Variants in AUTS2 observed in about 807,000 individuals in gnomAD.
The protein encoded by AUTS2 is autism susceptibility gene 2 protein.
Under a neutral mutation model 112.4 loss-of-function variants are expected in AUTS2, and 17 were observed. The observed-to-expected ratio is 0.15, with a 90% confidence interval of 0.10 to 0.23. The LOEUF is 0.23. AUTS2 is among the 10% of genes least tolerant of loss of function. The pLI is 1.00. For synonymous variants in AUTS2, 751 were observed against 702.7 expected (o/e 1.07, Z -1.09); for missense variants, 1,510 against 1,701.6 (o/e 0.89, Z 1.98).
chr7:70,747,048 G>T (rs1231341539), intron 6 of AUTS2, among the ~76,000 whole-genome samples: 1 of 152,162 alleles, frequency 6.6e-6, no homozygotes, highest in Non-Finnish European at 1.5e-5. Context: ...GTGGAAGGGG[G>T]TGGGTGTGAT....
chr7:69,969,523 T>C (rs139561381), intron 2 of AUTS2, among the ~76,000 whole-genome samples: 53 of 152,330 alleles, frequency 3.5e-4, no homozygotes, highest in Non-Finnish European at 6.6e-4. Context: ...TGCAGAACTT[T>C]TGTTCTTTCA....
chr7:70,783,836 T>TGG (rs1791254469), intron 15 of AUTS2: 1 of 152,234 alleles, frequency 6.6e-6, no homozygotes, highest in Non-Finnish European at 1.5e-5. Flanking sequence ...GCTAGCCTCC[T>TGG]TAGCTAGTAA....
At chr7:70,187,427 G>C (rs1344403331) in intron 4 of AUTS2, among the ~76,000 whole-genome samples, 1 of 152,060 alleles carries the variant, frequency 6.6e-6, no homozygotes, top group Admixed American at 6.6e-5. Flanking sequence ...GCTGGCCTCT[G>C]GGTATTTACA....
chr7:70,343,100 CCTCT>C (rs921703373), intron 4 of AUTS2, among the ~76,000 whole-genome samples: 11 of 152,084 alleles, frequency 7.2e-5, no homozygotes, highest in South Asian at 2.1e-4. Flanking sequence ...CAACAAACTC[CCTCT>C]CTATGAAATT....
At chr7:70,670,637 C>G (rs1807586714) in intron 5 of AUTS2, among the ~76,000 whole-genome samples, 1 of 149,886 alleles carries the variant, frequency 6.7e-6, no homozygotes, top group Admixed American at 6.8e-5. Context: ...CATAGTTTAT[C>G]CTGCACAGCC....
chr7:70,348,888 C>T (rs770666800), intron 4 of AUTS2, among the ~76,000 whole-genome samples: 7 of 152,166 alleles, frequency 4.6e-5, no homozygotes, highest in African/African-American at 1.2e-4. Flanking sequence ...GCATGGTGAA[C>T]GCTTTTCTAA....
At chr7:70,576,964 A>C (rs920315084) in intron 5 of AUTS2, among the ~76,000 whole-genome samples, 4 of 149,770 alleles carry the variant, frequency 2.7e-5, no homozygotes, top group African/African-American at 1.0e-4. Context: ...GAGTAAGACA[A>C]ACCAGCAGAG....
chr7:69,671,652 G>A (rs1796335933), intron 1 of AUTS2, among the ~76,000 whole-genome samples: 1 of 151,990 alleles, frequency 6.6e-6, no homozygotes, highest in Admixed American at 6.6e-5. Context: ...AATGATGACT[G>A]ACTGGTATGG....
intron 5 of AUTS2, among the ~76,000 whole-genome samples, chr7:70,687,521 T>C (rs537960476): frequency 3.9e-5 from 6 of 152,244 alleles, no homozygotes; most frequent in Non-Finnish European, 8.8e-5. Context: ...TTGTGAAGTT[T>C]GAAAGTAAAA....
intron 1 of AUTS2, among the ~76,000 whole-genome samples, chr7:69,840,065 C>T (rs182140388): frequency 1.2e-4 from 19 of 152,184 alleles, no homozygotes; most frequent in Admixed American, 7.9e-4. Context: ...GGGTGGGCAG[C>T]GTCTTTGAAA....
chr7:70,771,249 C>G (rs1341668948), intron 10 of AUTS2: 4 of 200,236 alleles, frequency 2.0e-5, no homozygotes, highest in Non-Finnish European at 4.0e-5. Context: ...ATTAAAATCT[C>G]CAATCATTTA....
At chr7:70,241,519 T>C (rs1387325862) in intron 4 of AUTS2, among the ~76,000 whole-genome samples, 2 of 152,306 alleles carry the variant, frequency 1.3e-5, no homozygotes, top group East Asian at 3.9e-4. Flanking sequence ...TAAATAAAAG[T>C]CTTTTTAGCT....
chr7:69,821,135 A>G (rs1790970910), intron 1 of AUTS2, among the ~76,000 whole-genome samples: 1 of 152,220 alleles, frequency 6.6e-6, no homozygotes, highest in Admixed American at 6.5e-5. Flanking sequence ...CCCAGTATGT[A>G]TAAAGTGCTG....
chr7:70,441,598 A>G (rs1796125617), intron 5 of AUTS2, among the ~76,000 whole-genome samples: 1 of 152,120 alleles, frequency 6.6e-6, no homozygotes, highest in South Asian at 2.1e-4. Context: ...TGTTGCCCAC[A>G]CTGGTCTCAA....
chr7:70,184,999 T>C (rs1480327675), intron 4 of AUTS2, among the ~76,000 whole-genome samples: 1 of 152,184 alleles, frequency 6.6e-6, no homozygotes, highest in East Asian at 1.9e-4. Flanking sequence ...TGAAATACTG[T>C]TTGATACTTT....
Position 69,752,482 on chromosome 7 carries a change from A to T in AUTS2, c.310-146804A>T, listed in dbSNP as rs115454740. ...ATTTCTGAACCAGATGCCGTGAATAACTGCCCCTGAATGTGTTTTTGCCAA... is the reference window on the plus strand; with the variant it reads ...ATTTCTGAACCAGATGCCGTGAATATCTGCCCCTGAATGTGTTTTTGCCAA... On this transcript the variant is annotated intron_variant, in intron 1 of 18. Coordinates refer to ENST00000342771, the MANE Select transcript of AUTS2 (RefSeq NM_015570.4). 2.9e-3 allele frequency among the ~76,000 whole-genome samples: 441 copies of T among 152,342 alleles called. 5 individuals carry two copies. The highest frequency in any genetic ancestry group is 0.01 in the African/African-American group (427 of 41,588).
At chr7:69,666,962 A>C (rs1796078007) in intron 1 of AUTS2, among the ~76,000 whole-genome samples, 1 of 152,168 alleles carries the variant, frequency 6.6e-6, no homozygotes, top group Admixed American at 6.6e-5. Context: ...TACCTAGCTC[A>C]GTCCATTTTC....
chr7:70,420,675 AG>A (rs1156548728), intron 4 of AUTS2, among the ~76,000 whole-genome samples: 3 of 152,254 alleles, frequency 2.0e-5, no homozygotes, highest in Non-Finnish European at 4.4e-5. Context: ...AGTGACTGAT[AG>A]AAATCAGACA....
chr7:69,631,175 C>CT lies in AUTS2; in HGVS notation c.309+31225dup, dbSNP rs879307779. ...AGGAGCAGAAGATTTTGTGTACACA[C>CT]TTTTTTTTTTTTGTTTTAAGCTTTC... On this transcript the variant is annotated intron_variant, in intron 1 of 18. Transcript: ENST00000342771. Among the ~76,000 whole-genome samples the CT allele has an allele frequency of 3.3e-3, 481 of 145,508 alleles. 4 individuals are homozygous for CT. The highest frequency in any genetic ancestry group is 7.9e-3 in the East Asian group (39 of 4,964).
Sources: allele counts gnomAD v4.1 joint callset (sites outside exome capture counted in the v4.1 genomes callset), GRCh38; gene constraint gnomAD v4.1.1; transcripts MANE v1.5; gene names NCBI Gene and HGNC (gene_info 2026-07-23, HGNC 2026-07-21).